Variants in NPAT observed in about 807,000 individuals in gnomAD.
NPAT encodes nuclear protein, coactivator of histone transcription, also known as protein NPAT.
A neutral mutation model predicts 130.7 loss-of-function variants in NPAT; 52 were observed. That is an observed-to-expected ratio of 0.40 (90% CI 0.32 to 0.50). The LOEUF (loss-of-function observed/expected upper bound fraction) is 0.50, where lower values mean the gene tolerates loss of function less well. Among genes scored for constraint, NPAT ranks in the 20% least tolerant of loss-of-function variants. The probability of loss-of-function intolerance (pLI) is 0.68; values close to 1 mark genes in which losing one functional copy is unlikely to be tolerated. For missense variants in NPAT, 1,687 were observed against 1,662.6 expected (o/e 1.01, Z -0.26); for synonymous variants, 580 against 584.8 (o/e 0.99, Z 0.12).
intron 13 of NPAT, chr11:108,170,249 A>C (rs1392460744): frequency 3.7e-6 from 2 of 534,398 alleles, no homozygotes; most frequent in Non-Finnish European, 6.7e-6. Context: ...CAAGGCTAAC[A>C]AATTAAGAAA....
chr11:108,221,150 C>T (rs981149472), intron 1 of NPAT, among the ~76,000 whole-genome samples: 3 of 152,088 alleles, frequency 2.0e-5, no homozygotes, highest in Non-Finnish European at 1.5e-5. Flanking sequence ...GACATACTAG[C>T]AATATCTAGA....
chr11:108,176,820 T>A (rs1006216966), intron 11 of NPAT, among the ~76,000 whole-genome samples, 174 bp downstream of exon 11: 1 of 152,236 alleles, frequency 6.6e-6, no homozygotes. Context: ...AGCTAAAGTT[T>A]CTCAGCTAAA....
intron 7 of NPAT, among the ~76,000 whole-genome samples, chr11:108,186,827 A>C (rs2078112346): frequency 6.6e-6 from 1 of 152,204 alleles, no homozygotes. Flanking sequence ...CTAAATTTTT[A>C]ATCTGTGTTC....
chr11:108,174,094 A>C (rs1338119599), intron 12 of NPAT, among the ~76,000 whole-genome samples: 2 of 152,244 alleles, frequency 1.3e-5, no homozygotes, highest in African/African-American at 4.8e-5. Context: ...CAGATGATAC[A>C]AAGAAGGAAA....
intron 1 of NPAT, among the ~76,000 whole-genome samples, chr11:108,213,247 T>C (rs1473708611): frequency 6.6e-6 from 1 of 152,106 alleles, no homozygotes; most frequent in Non-Finnish European, 1.5e-5. Context: ...CACTCCAGCC[T>C]GGGCAACAAG....
At chr11:108,160,518 A>G (rs1192045427) in intron 17 of NPAT, among the ~76,000 whole-genome samples, 1 of 152,176 alleles carries the variant, frequency 6.6e-6, no homozygotes, top group Non-Finnish European at 1.5e-5. Flanking sequence ...TGACTATGTC[A>G]CGCTCATGAA....
chr11:108,161,139 C>T lies in NPAT; in HGVS notation c.3947G>A (p.Cys1316Tyr). ...ACTTCCTGTTTCACTGGCAGGGCTG[C>T]AGGCAGGCAAGTCTGGGGTGACAGG... ...VPPVTPDLPA[C>Y]SPASETGSEN... The change falls in exon 17 of 18, where the codon TGC becomes TAC. Residue 1316 changes from cysteine (C) to tyrosine (Y), a missense_variant. Coordinates refer to ENST00000278612, the MANE Select transcript of NPAT (RefSeq NM_002519.3). 6.2e-7 allele frequency: 1 copy of T among 1,614,196 alleles called. No homozygotes were observed. Among genetic ancestry groups the T allele is most frequent in the South Asian group, 1.1e-5 (1 of 91,078 alleles).
chr11:108,160,405 T>C (rs760706931), intron 17 of NPAT, among the ~76,000 whole-genome samples: 5 of 152,022 alleles, frequency 3.3e-5, no homozygotes, highest in Non-Finnish European at 5.9e-5. Context: ...TGGAAGAGAT[T>C]ACAAGACGTG....
intron 10 of NPAT, among the ~76,000 whole-genome samples, chr11:108,184,471 C>CAA (rs368848598): frequency 0.36 from 51,082 of 140,086 alleles, 10,226 homozygotes; most frequent in Middle Eastern, 0.63. Flanking sequence ...GACTCCATCT[C>CAA]AAAAAAAAAA....
chr11:108,158,902 T>C lies in NPAT; in HGVS notation c.*40A>G. ...TTCCCTACACTCAGTTTAAGGGATA[T>C]GAGTTTTTAACACCTACTGTTCTTA... On this transcript the variant is annotated 3_prime_UTR_variant, in exon 18 of 18. Coordinates refer to ENST00000278612, the MANE Select transcript of NPAT (RefSeq NM_002519.3). The C allele has an allele frequency of 1.7e-6, 2 of 1,186,356 alleles. No individual in the cohort carries two copies. The highest frequency in any genetic ancestry group is 2.5e-6 in the Non-Finnish European group (2 of 794,660). The allele number at this position is 1,186,356 out of a possible 1,614,324, so 73.5% of individuals were successfully genotyped here.
chr11:108,185,823 C>A (rs963499797), intron 8 of NPAT, among the ~76,000 whole-genome samples: 4 of 152,180 alleles, frequency 2.6e-5, no homozygotes, highest in African/African-American at 7.2e-5. Flanking sequence ...CTCCACCTCG[C>A]AGTTCAAGCA....
rs534582496 is a variant in NPAT, at chr11:108,215,469, C to A, written c.37+7031G>T. Among the ~76,000 whole-genome samples, 5 of 152,192 alleles carry A rather than the reference C, an allele frequency of 3.3e-5. No homozygotes were observed. The East Asian group carries it at 9.6e-4, about 29-fold the overall frequency. ...GATGAAATAATACGTACAACAAACC[C>A]CTATGACACAAGTTTACCTATATAA... On this transcript the variant is annotated intron_variant, in intron 1 of 17. Coordinates refer to ENST00000278612, the MANE Select transcript of NPAT (RefSeq NM_002519.3).
At position 108,192,210 on chromosome 11, in the gene NPAT, G is replaced by A. The variant is rs1358839045; in HGVS notation, c.218-20C>T. On this transcript the variant is annotated intron_variant, in intron 3 of 17. Transcript: ENST00000278612. ...ATGTTTCTAAATCATAGGAGAAAAG[G>A]TTCTTAATAAACCCAGCTGAAGAAA... 6.6e-7 allele frequency: 1 copy of A among 1,511,932 alleles called. No homozygotes were observed. The highest frequency in any genetic ancestry group is 1.1e-5 in the South Asian group (1 of 88,964). The allele number at this position is 1,511,932 out of a possible 1,614,324, so 93.7% of individuals were successfully genotyped here.
At chr11:108,169,385 T>C (rs1413515470) in intron 15 of NPAT, among the ~76,000 whole-genome samples, 1 of 152,168 alleles carries the variant, frequency 6.6e-6, no homozygotes, top group African/African-American at 2.4e-5. Flanking sequence ...AAATAGTTCA[T>C]ATACACACTA....
chr11:108,197,127 C>T (rs772490081), intron 2 of NPAT, among the ~76,000 whole-genome samples, 175 bp downstream of exon 2: 3 of 152,052 alleles, frequency 2.0e-5, no homozygotes, highest in Non-Finnish European at 2.9e-5. Flanking sequence ...ATAGTTTTGG[C>T]ATAAATTTGT....
rs968207 is a variant in NPAT, at chr11:108,173,537, T to C, written c.1447A>G (p.Ile483Val). The C allele has an allele frequency of 6.2e-7, 1 of 1,614,220 alleles. No individual in the cohort carries two copies. The highest frequency in any genetic ancestry group is 1.1e-5 in the South Asian group (1 of 91,086). The change falls in exon 13 of 18, where the codon ATA becomes GTA. Residue 483 changes from isoleucine to valine, a missense_variant. By Grantham distance (29) the Ile-to-Val change is conservative. This residue lies in a region of NPAT where 1,379 missense variants were observed against 1,346.6 expected (regional missense o/e 1.02). Transcript: ENST00000278612. Reference sequence around the variant, plus strand: ...GACAAAGAGTTCTTTTCAATCCCTATAGCCATTTCAGTTTCAGTGGACATC... The same window carrying C: ...GACAAAGAGTTCTTTTCAATCCCTACAGCCATTTCAGTTTCAGTGGACATC... ...NQMSTETEMA[I>V]GIEKNSLSSN...
chr11:108,222,629 T>G lies in NPAT; in HGVS notation c.-93A>C. The G allele has an allele frequency of 7.3e-7, 1 of 1,379,110 alleles. No homozygotes were observed. The highest frequency in any genetic ancestry group is 1.0e-6 in the Non-Finnish European group (1 of 980,204). 85.4% of individuals were successfully genotyped at this position (1,379,110 alleles called of 1,614,324 possible). A position where few individuals can be genotyped will look rare whatever the true frequency, so the allele number is the denominator to read the frequency against. On this transcript the variant is annotated 5_prime_UTR_variant, in exon 1 of 18. Coordinates refer to ENST00000278612, the MANE Select transcript of NPAT (RefSeq NM_002519.3). ...CCTGCGCCGCATCTCCTGGTTCCAG[T>G]GGCGGCACTGAACTCGCGGCAATTT...
Position 108,162,017 on chromosome 11 carries a change from A to G in NPAT, c.3072-3T>C, listed in dbSNP as rs2077856910. On this transcript the variant is annotated splice_polypyrimidine_tract_variant and splice_region_variant and intron_variant, in intron 16 of 17. Coordinates refer to ENST00000278612, the MANE Select transcript of NPAT (RefSeq NM_002519.3). ...TACTTTTGTCAGAAACTTCAGTTCTAAAACAAAACAAAACAAAACTATTTC... is the reference window on the plus strand; with the variant it reads ...TACTTTTGTCAGAAACTTCAGTTCTGAAACAAAACAAAACAAAACTATTTC... 6.2e-7 allele frequency: 1 copy of G among 1,610,058 alleles called. No homozygotes were observed. The highest frequency in any genetic ancestry group is 2.2e-5 in the East Asian group (1 of 44,878).
At position 108,189,653 on chromosome 11, in the gene NPAT, G is replaced by C. The variant is rs369060118; in HGVS notation, c.332-323C>G. On this transcript the variant is annotated intron_variant, in intron 5 of 17. Coordinates refer to ENST00000278612, the MANE Select transcript of NPAT (RefSeq NM_002519.3). ...TGGGAGGCCGAGGCGGGCGGATCACGAGGTCAGGAGATCGAGACCATCCTG... is the reference window on the plus strand; with the variant it reads ...TGGGAGGCCGAGGCGGGCGGATCACCAGGTCAGGAGATCGAGACCATCCTG... 3.2e-4 allele frequency among the ~76,000 whole-genome samples: 49 copies of C among 151,802 alleles called. No individual in the cohort carries two copies. In the South Asian group the frequency reaches 9.2e-3, roughly 28 times the overall value.
Sources: allele counts gnomAD v4.1 joint callset (sites outside exome capture counted in the v4.1 genomes callset), GRCh38; gene constraint gnomAD v4.1.1; regional missense constraint gnomAD v4.1.1; transcripts MANE v1.5; gene names NCBI Gene and HGNC (gene_info 2026-07-23, HGNC 2026-07-21).